RNF4: variants seen among roughly 807,000 people sequenced by gnomAD.
RNF4 encodes ring finger protein 4, also known as E3 ubiquitin-protein ligase RNF4.
In RNF4, 7 loss-of-function variants were observed where a neutral mutation model predicts 24.3. The ratio of observed to expected loss-of-function variants is 0.29; its 90% confidence interval spans 0.16 to 0.54. The LOEUF is 0.54. Ranked by LOEUF, RNF4 falls within the 20% of genes least tolerant of loss-of-function variation. The pLI is 0.95. For synonymous variants in RNF4, 83 were observed against 84.3 expected (o/e 0.98, Z 0.09); for missense variants, 209 against 248.5 (o/e 0.84, Z 1.07).
chr4:2,489,318 A>G (rs1166799026), intron 1 of RNF4, among the ~76,000 whole-genome samples: 4 of 152,146 alleles, frequency 2.6e-5, no homozygotes, highest in South Asian at 2.1e-4. Flanking sequence ...AGGCATGGTA[A>G]TGGTGCACAG....
chr4:2,512,544 T>C lies in RNF4; in HGVS notation c.321T>C (p.Tyr107=). 1 of 1,613,916 alleles carries C rather than the reference T, an allele frequency of 6.2e-7. No homozygotes were observed. The highest frequency in any genetic ancestry group is 1.1e-5 in the South Asian group (1 of 91,078). Residue 107 remains tyrosine (Y), a synonymous_variant, in exon 6 of 8, where the codon TAT becomes TAC. Transcript: ENST00000314289. This position sits in a 1 kb window ranked among gnomAD's most constrained non-coding sequence, Gnocchi z 4.1. ...AGTTGTCCAGGGACAGAGACGTATA[T>C]GTGACTACCCATACTCCCAGAAACG... ...DEELSRDRDV[Y]VTTHTPRNAR...
rs745756669 is a variant in RNF4 at position 2,497,111 on chromosome 4, C to T, written c.114C>T (p.Leu38=). The change falls in exon 3 of 8, where the codon CTC becomes CTT. Residue 38 remains leucine, a synonymous_variant. Coordinates refer to ENST00000314289, the MANE Select transcript of RNF4 (RefSeq NM_002938.5). ...CCTTGGAAGCAGAACCCATAGAACT[C>T]GTGGAAACTGGTAAGATTGCCAGGG... is the stretch of plus-strand genomic sequence containing the variant. ...EISLEAEPIE[L]VETAGDEIVD... is the part of the protein sequence containing the mutation. 4 of 1,605,628 alleles carry T rather than the reference C, an allele frequency of 2.5e-6. No homozygotes were observed. Among genetic ancestry groups the T allele is most frequent in the South Asian group, 1.1e-5 (1 of 89,214 alleles).
intron 1 of RNF4, among the ~76,000 whole-genome samples, chr4:2,489,381 G>T (rs1283165110): frequency 6.6e-6 from 1 of 152,194 alleles, no homozygotes; most frequent in Non-Finnish European, 1.5e-5. Flanking sequence ...ATGTGAGAGC[G>T]TTCCTGTCGT....
At chr4:2,475,844 C>G (rs983686034) in intron 1 of RNF4, among the ~76,000 whole-genome samples, 8 of 152,194 alleles carry the variant, frequency 5.3e-5, no homozygotes, top group Admixed American at 4.6e-4. Flanking sequence ...GGGTCACTTG[C>G]CCAAGGTCAC....
chr4:2,498,617 T>G (rs898016413), intron 3 of RNF4, among the ~76,000 whole-genome samples: 1 of 152,234 alleles, frequency 6.6e-6, no homozygotes, highest in Non-Finnish European at 1.5e-5. Flanking sequence ...TAATTTTATA[T>G]AAATTATATT....
chr4:2,489,232 C>A (rs1290819213), intron 1 of RNF4, among the ~76,000 whole-genome samples: 1 of 152,184 alleles, frequency 6.6e-6, no homozygotes, highest in Non-Finnish European at 1.5e-5. Context: ...GGGAAAGTTG[C>A]TGCGGCAAAT....
chr4:2,473,306 C>G (rs1194895698), intron 1 of RNF4, among the ~76,000 whole-genome samples: 1 of 151,972 alleles, frequency 6.6e-6, no homozygotes, highest in Admixed American at 6.6e-5. Flanking sequence ...ATCGCTTGGG[C>G]CCAGGAGGTG....
At chr4:2,490,611 C>T (rs1735551095) in intron 2 of RNF4, 109 bp downstream of exon 2, 1 of 1,192,234 alleles carries the variant, frequency 8.4e-7, no homozygotes, top group Non-Finnish European at 1.2e-6. Flanking sequence ...TCTAAGTAAC[C>T]CCACTTCTTG....
At position 2,513,849 on chromosome 4, in the gene RNF4, T is replaced by G. The variant is rs773775159; in HGVS notation, c.*30T>G. 1.6e-5 allele frequency: 26 copies of G among 1,612,930 alleles called. No individual in the cohort carries two copies. Among genetic ancestry groups the G allele is most frequent in the Non-Finnish European group, 2.0e-5 (24 of 1,179,396 alleles). Reference sequence around the variant, plus strand: ...TTCAGAGCCCCCCAGGAGAGACGGATGGACAGACAGACAGCCAGGTTCTCC... The same window carrying G: ...TTCAGAGCCCCCCAGGAGAGACGGAGGGACAGACAGACAGCCAGGTTCTCC... On this transcript the variant is annotated 3_prime_UTR_variant, in exon 8 of 8. Coordinates refer to ENST00000314289, the MANE Select transcript of RNF4 (RefSeq NM_002938.5).
intron 2 of RNF4, among the ~76,000 whole-genome samples, chr4:2,493,558 A>G (rs1417362607): frequency 6.6e-6 from 1 of 151,936 alleles, no homozygotes; most frequent in Non-Finnish European, 1.5e-5. Context: ...CCTGGCCAAC[A>G]TGGTGAAACC....
At chr4:2,502,671 C>CAA (rs774687827) in intron 4 of RNF4, among the ~76,000 whole-genome samples, 16 of 121,650 alleles carry the variant, frequency 1.3e-4, no homozygotes, top group African/African-American at 4.3e-4. Context: ...GACTCCATCT[C>CAA]AAAAAAAAAA....
intron 1 of RNF4, among the ~76,000 whole-genome samples, chr4:2,484,758 C>T (rs1041260030): frequency 2.0e-5 from 3 of 152,100 alleles, no homozygotes; most frequent in Non-Finnish European, 4.4e-5. Flanking sequence ...AGCTTCCATC[C>T]CGTCAGTCAC....
At chr4:2,472,032 G>GA (rs933153116) in intron 1 of RNF4, among the ~76,000 whole-genome samples, 76 of 151,012 alleles carry the variant, frequency 5.0e-4, no homozygotes, top group Non-Finnish European at 6.5e-4. Flanking sequence ...GCCTTATATG[G>GA]AAAAAAAAAT....
chr4:2,474,859 G>A (rs182062977), intron 1 of RNF4, among the ~76,000 whole-genome samples: 58 of 152,012 alleles, frequency 3.8e-4, no homozygotes, highest in African/African-American at 9.4e-4. Flanking sequence ...ACCCCGTCTC[G>A]ACTAAAAATA....
chr4:2,472,273 A>G (rs757938690), intron 1 of RNF4, among the ~76,000 whole-genome samples: 1 of 152,176 alleles, frequency 6.6e-6, no homozygotes, highest in Non-Finnish European at 1.5e-5. Context: ...GTTTTACTGA[A>G]TATTTTAAGC....
chr4:2,491,768 C>T (rs1393590092), intron 2 of RNF4, among the ~76,000 whole-genome samples: 2 of 152,036 alleles, frequency 1.3e-5, no homozygotes, highest in Non-Finnish European at 2.9e-5. Flanking sequence ...GGGTCTCACT[C>T]AGTCTCCCAG....
chr4:2,492,291 C>A (rs898389942), intron 2 of RNF4, among the ~76,000 whole-genome samples: 1 of 152,174 alleles, frequency 6.6e-6, no homozygotes, highest in Non-Finnish European at 1.5e-5. Context: ...GCAGTCCTCC[C>A]ACCTAGGCTC....
chr4:2,473,420 A>C (rs1024174763), intron 1 of RNF4, among the ~76,000 whole-genome samples: 1 of 152,162 alleles, frequency 6.6e-6, no homozygotes, highest in African/African-American at 2.4e-5. Flanking sequence ...AACTTGGAAA[A>C]AGTTGATTCT....
At chr4:2,510,750 T>C (rs1270113188) in intron 4 of RNF4, among the ~76,000 whole-genome samples, 1 of 152,146 alleles carries the variant, frequency 6.6e-6, no homozygotes, top group African/African-American at 2.4e-5. Context: ...AAACAGCCCC[T>C]CCTACGTGCT....
Sources: allele counts gnomAD v4.1 joint callset (sites outside exome capture counted in the v4.1 genomes callset), GRCh38; gene constraint gnomAD v4.1.1; non-coding constraint Gnocchi (gnomAD v3.1); transcripts MANE v1.5; gene names NCBI Gene and HGNC (gene_info 2026-07-23, HGNC 2026-07-21).